The following FOLH1 variants were observed in gnomAD, a reference collection of about 807,000 sequenced individuals.
The protein encoded by FOLH1 is folate hydrolase 1.
In FOLH1, 54 loss-of-function variants were observed where a neutral mutation model predicts 93.9. The ratio of observed to expected loss-of-function variants is 0.57; its 90% CI spans 0.46 to 0.72. The LOEUF is 0.72. Ranked by LOEUF, FOLH1 falls within the 30% of genes least tolerant of loss-of-function variation. The pLI, the probability that FOLH1 is intolerant of heterozygous loss-of-function variation, is 0.00. For missense variants in FOLH1, 571 were observed against 892.5 expected (o/e 0.64, Z 4.59); for synonymous variants, 249 against 303.6 (o/e 0.82, Z 1.87).
chr11:49,185,961 C>T, intron 5 of FOLH1, 106 bp from the exon 6 acceptor site: 2 of 1,346,192 alleles, frequency 1.5e-6, no homozygotes, highest in Non-Finnish European at 9.8e-7. Context: ...ACTTTATCTT[C>T]AACCTTTTCT....
chr11:49,152,401 A>G (rs1260939422), intron 17 of FOLH1, among the ~76,000 whole-genome samples: 2 of 152,162 alleles, frequency 1.3e-5, no homozygotes, highest in Admixed American at 1.3e-4. Context: ...TCATAATGCT[A>G]TCAGAAAAGC....
chr11:49,174,426 T>C (rs57377363), intron 9 of FOLH1, among the ~76,000 whole-genome samples: 4,466 of 152,268 alleles, frequency 0.029, 79 homozygotes, highest in African/African-American at 0.037. Context: ...CATATGTCCA[T>C]ATATTTTATC....
intron 8 of FOLH1, 29 bp from the exon 9 acceptor site, chr11:49,175,006 A>C: frequency 6.3e-7 from 1 of 1,599,906 alleles, no homozygotes; most frequent in East Asian, 2.2e-5. Flanking sequence ...ACATTCTTAA[A>C]AAAAAAAACT....
intron 11 of FOLH1, among the ~76,000 whole-genome samples, chr11:49,169,492 T>C (rs1308850132): frequency 9.2e-5 from 14 of 152,202 alleles, no homozygotes; most frequent in Admixed American, 9.2e-4. Context: ...GATGAAATTG[T>C]CCATATACTT....
At chr11:49,181,319 C>T (rs1393355337) in intron 7 of FOLH1, among the ~76,000 whole-genome samples, 1 of 151,740 alleles carries the variant, frequency 6.6e-6, no homozygotes, top group Non-Finnish European at 1.5e-5. Flanking sequence ...ACCATGTTGG[C>T]GAGGATGGTC....
At chr11:49,197,871 T>C (rs1348001852) in intron 3 of FOLH1, among the ~76,000 whole-genome samples, 13 of 152,044 alleles carry the variant, frequency 8.6e-5, no homozygotes, top group Non-Finnish European at 1.8e-4. Flanking sequence ...TAACTTATAG[T>C]TGAATAATGA....
At chr11:49,150,697 T>C (rs1437961161) in intron 17 of FOLH1, among the ~76,000 whole-genome samples, 1 of 152,180 alleles carries the variant, frequency 6.6e-6, no homozygotes, top group Non-Finnish European at 1.5e-5. Context: ...ACTTACATTC[T>C]AAAAGGAGTG....
intron 4 of FOLH1, among the ~76,000 whole-genome samples, chr11:49,190,879 A>T (rs1861950645): frequency 6.6e-6 from 1 of 152,204 alleles, no homozygotes; most frequent in South Asian, 2.1e-4. Context: ...TGAAGTGCAT[A>T]CATTTAATTT....
At chr11:49,182,310 C>A (rs148966811) in intron 7 of FOLH1, among the ~76,000 whole-genome samples, 4,581 of 107,314 alleles carry the variant, frequency 0.043, 115 homozygotes, top group Middle Eastern at 0.12. Flanking sequence ...GCCTGGGCAA[C>A]AGAGTGAGAC....
Position 49,157,208 on chromosome 11 carries a change from G to A in FOLH1, c.1533-401C>T, listed in dbSNP as rs533756544. On this transcript the variant is annotated intron_variant, in intron 14 of 18. Coordinates refer to ENST00000256999, the MANE Select transcript of FOLH1 (RefSeq NM_004476.3). ...GACATCGATAAACTCAGAGCACTGAGATATTTATTCTTCTTCCCTTGCTTG... is the reference window on the plus strand; with the variant it reads ...GACATCGATAAACTCAGAGCACTGAAATATTTATTCTTCTTCCCTTGCTTG... Among the ~76,000 whole-genome samples, 199 of 151,986 alleles carry A rather than the reference G, an allele frequency of 1.3e-3. 1 individual carries two copies. Among genetic ancestry groups the A allele is most frequent in the African/African-American group, 4.5e-3 (187 of 41,510 alleles).
chr11:49,181,879 A>G (rs1311047502), intron 7 of FOLH1, among the ~76,000 whole-genome samples: 1 of 152,152 alleles, frequency 6.6e-6, no homozygotes, highest in East Asian at 1.9e-4. Flanking sequence ...TCTAAAAATG[A>G]GTGCCTTGCC....
intron 5 of FOLH1, chr11:49,186,143 A>G (rs1054238490): frequency 3.0e-5 from 11 of 367,008 alleles, no homozygotes; most frequent in Non-Finnish European, 4.3e-5. Context: ...TAGACCCCAC[A>G]GGCCAAATTC....
intron 12 of FOLH1, among the ~76,000 whole-genome samples, chr11:49,165,632 T>C (rs1175841000): frequency 3.3e-5 from 5 of 152,000 alleles, no homozygotes; most frequent in Non-Finnish European, 1.5e-5. Flanking sequence ...GGGGGAAAAA[T>C]GGTATTTGCA....
At chr11:49,194,132 C>CAAAAAA (rs55656827) in intron 3 of FOLH1, among the ~76,000 whole-genome samples, 6,476 of 63,546 alleles carry the variant, frequency 0.1, 1 homozygote, top group Non-Finnish European at 0.14. Context: ...GCCTGGGTGA[C>CAAAAAA]AAAAAAAAAA....
intron 1 of FOLH1, chr11:49,206,455 A>G (rs1863971302): frequency 4.8e-6 from 3 of 630,286 alleles, no homozygotes; most frequent in Non-Finnish European, 8.1e-6. Context: ...AATCAGGACG[A>G]AAATAAAATG....
At position 49,145,263 on chromosome 11, in the gene FOLH1, T is replaced by C. The variant is rs1050586282; in HGVS notation, c.*1493A>G. On this transcript the variant is annotated 3_prime_UTR_variant, in exon 19 of 19. Transcript: ENST00000256999. ...TTGTGAGTAGAAGGCATTGGAGAGATGTTCCAAGAGGGTGCTTTTCAATCT... is the reference window on the plus strand; with the variant it reads ...TTGTGAGTAGAAGGCATTGGAGAGACGTTCCAAGAGGGTGCTTTTCAATCT... Among the ~76,000 whole-genome samples the C allele has an allele frequency of 6.6e-6, 1 of 152,150 alleles. No individual in the cohort carries two copies. The highest frequency in any genetic ancestry group is 2.4e-5 in the African/African-American group (1 of 41,446).
rs537280241 is a variant in FOLH1 at position 49,175,040 on chromosome 11, G to T, written c.1020-63C>A. 1.6e-5 allele frequency: 24 copies of T among 1,459,766 alleles called. No homozygotes were observed. The African/African-American group carries it at 3.3e-4, about 20-fold the overall frequency. The allele number at this position is 1,459,766 out of a possible 1,614,324, so 90.4% of individuals were successfully genotyped here. The stretch of plus-strand genomic sequence containing the variant: ...CTGGTTAACAGATTAACACTATAAG[G>T]TTTAAGGGAATTTTCCCCTCTGCCT... On this transcript the variant is annotated intron_variant, in intron 8 of 18. Coordinates refer to ENST00000256999, the MANE Select transcript of FOLH1 (RefSeq NM_004476.3).
At chr11:49,180,999 A>C (rs938052224) in intron 7 of FOLH1, among the ~76,000 whole-genome samples, 1 of 152,210 alleles carries the variant, frequency 6.6e-6, no homozygotes, top group Non-Finnish European at 1.5e-5. Context: ...ATATTGACCT[A>C]GTAAACCAGA....
At chr11:49,161,785 A>G (rs1857731519) in intron 13 of FOLH1, among the ~76,000 whole-genome samples, 1 of 152,102 alleles carries the variant, frequency 6.6e-6, no homozygotes, top group Admixed American at 6.6e-5. Flanking sequence ...CATATTTAGT[A>G]CTTCTCTCAA....
Sources: allele counts gnomAD v4.1 joint callset (sites outside exome capture counted in the v4.1 genomes callset), GRCh38; gene constraint gnomAD v4.1.1; transcripts MANE v1.5; gene names NCBI Gene and HGNC (gene_info 2026-07-23, HGNC 2026-07-21).